SFXN5: variants seen among roughly 807,000 people sequenced by gnomAD.
SFXN5 encodes the protein sideroflexin 5.
Under a neutral mutation model 50.2 loss-of-function variants are expected in SFXN5, and 43 were observed. The ratio of observed to expected loss-of-function variants is 0.86; its 90% CI spans 0.67 to 1.11. SFXN5 has a LOEUF of 1.11. SFXN5 is among the 50% of genes least tolerant of loss of function. The probability of loss-of-function intolerance (pLI) is 0.00; values close to 1 mark genes in which losing one functional copy is unlikely to be tolerated. For missense variants in SFXN5, 463 were observed against 454.1 expected, an observed-to-expected ratio of 1.02 and a Z score of -0.18; for synonymous variants, 203 against 185.8, an observed-to-expected ratio of 1.09 and a Z score of -0.75.
chr2:72,952,410 G>A (rs555298770), intron 13 of SFXN5, among the ~76,000 whole-genome samples: 8 of 152,272 alleles, frequency 5.3e-5, no homozygotes, highest in African/African-American at 1.9e-4. Flanking sequence ...GGTGACTACA[G>A]TAGTCCCCTG....
intron 6 of SFXN5, among the ~76,000 whole-genome samples, chr2:73,004,873 T>C (rs562913774): frequency 6.6e-6 from 1 of 152,324 alleles, no homozygotes; most frequent in South Asian, 2.1e-4. Flanking sequence ...ATAACTTCCT[T>C]TTTTCTTTTT....
intron 10 of SFXN5, among the ~76,000 whole-genome samples, chr2:72,974,897 A>G (rs1670454684): frequency 6.6e-6 from 1 of 151,986 alleles, no homozygotes; most frequent in African/African-American, 2.4e-5. Flanking sequence ...GAACATGCAC[A>G]ACCCTGGGGC....
intron 7 of SFXN5, 131 bp downstream of exon 7, chr2:73,001,394 A>AG (rs1673889152): frequency 4.6e-6 from 4 of 866,570 alleles, no homozygotes; most frequent in Non-Finnish European, 7.6e-6. Context: ...CTTCTGGGCT[A>AG]GGGGTGGTGT....
rs1329764203 is a variant in SFXN5 at position 72,953,633 on chromosome 2, G to A, written c.945+7498C>T. ...AAAGGTCTACTGTCCTAAGGGGGAA[G>A]ATGGAACACAGAAAACACACCACCA... On this transcript the variant is annotated intron_variant, in intron 13 of 13. Coordinates refer to ENST00000272433, the MANE Select transcript of SFXN5 (RefSeq NM_144579.3). This position sits in a 1 kb window ranked among gnomAD's most constrained non-coding sequence, Gnocchi z 4.1. Among the ~76,000 whole-genome samples the A allele has an allele frequency of 6.6e-6, 1 of 151,924 alleles. No homozygotes were observed. Among genetic ancestry groups the A allele is most frequent in the Non-Finnish European group, 1.5e-5 (1 of 67,964 alleles).
At chr2:72,983,783 T>C (rs1671586112) in intron 10 of SFXN5, among the ~76,000 whole-genome samples, 1 of 152,180 alleles carries the variant, frequency 6.6e-6, no homozygotes. Context: ...ACCCAGGACT[T>C]GGCCCTCCTT....
chr2:73,008,644 G>C (rs189564825), intron 6 of SFXN5, among the ~76,000 whole-genome samples: 1 of 152,220 alleles, frequency 6.6e-6, no homozygotes, highest in East Asian at 1.9e-4. Flanking sequence ...GAGAGGCCGT[G>C]TATAAGAAGC....
chr2:73,020,117 T>A (rs1676672432), intron 6 of SFXN5, 122 bp downstream of exon 6: 4 of 860,766 alleles, frequency 4.6e-6, no homozygotes, highest in Non-Finnish European at 7.2e-6. Context: ...TTTGGTAATT[T>A]CCCTCCAGGA....
chr2:73,050,392 G>GCGCA (rs138589339), intron 2 of SFXN5, among the ~76,000 whole-genome samples: 3 of 146,508 alleles, frequency 2.0e-5, no homozygotes, highest in Admixed American at 6.8e-5. Context: ...CACAGCGCAC[G>GCGCA]CACACACACA....
intron 11 of SFXN5, 149 bp from the exon 12 acceptor site, chr2:72,968,682 C>A: frequency 9.4e-6 from 5 of 532,408 alleles, no homozygotes; most frequent in Non-Finnish European, 1.2e-5. Context: ...GCATTCCAAA[C>A]AACAAAAAAA....
intron 1 of SFXN5, among the ~76,000 whole-genome samples, chr2:73,060,210 G>A (rs1420107005): frequency 6.6e-6 from 1 of 152,018 alleles, no homozygotes; most frequent in Non-Finnish European, 1.5e-5. Flanking sequence ...AGATGAAACT[G>A]GTACATTTTG....
At chr2:72,959,938 G>C (rs1310813378) in intron 13 of SFXN5, among the ~76,000 whole-genome samples, 1 of 152,092 alleles carries the variant, frequency 6.6e-6, no homozygotes, top group African/African-American at 2.4e-5. Flanking sequence ...GACAGGGTTT[G>C]GCTACGTTGC....
At chr2:73,046,150 T>C (rs1043601038) in intron 2 of SFXN5, among the ~76,000 whole-genome samples, 1 of 152,198 alleles carries the variant, frequency 6.6e-6, no homozygotes, top group Non-Finnish European at 1.5e-5. Context: ...AGCTCACGCC[T>C]GTAATCCCAG....
In SFXN5 at chr2:72,945,068, G is replaced by T. The variant is rs1021531161; in HGVS notation, c.977C>A (p.Ala326Asp). 1.2e-6 allele frequency: 2 copies of T among 1,614,022 alleles called. No homozygotes were observed. Among genetic ancestry groups the T allele is most frequent in the African/African-American group, 1.3e-5 (1 of 75,054 alleles). ...CACTGTCCGGCTGCTCGTGGCCTGG[G>T]CTATCTCCGGCTCTAATTGGGATGT... ...IETSQLEPEI[A>D]QATSSRTVVY... Residue 326 changes from alanine (A) to aspartate (D), a missense_variant, in exon 14 of 14, where the codon GCC (alanine) becomes GAC (aspartate). Ala to Asp is a moderately radical substitution (Grantham distance 126, BLOSUM62 -2). Transcript: ENST00000272433. This position sits in a 1 kb window ranked among gnomAD's most constrained non-coding sequence, Gnocchi z 5.8.
chr2:72,958,136 C>T (rs1352652532), intron 13 of SFXN5, among the ~76,000 whole-genome samples: 2 of 152,130 alleles, frequency 1.3e-5, no homozygotes, highest in African/African-American at 2.4e-5. Context: ...TGGTAGGCAT[C>T]TCCCCATTAT....
chr2:73,026,487 T>C (rs1437959076), intron 3 of SFXN5, among the ~76,000 whole-genome samples: 3 of 152,006 alleles, frequency 2.0e-5, no homozygotes, highest in Non-Finnish European at 4.4e-5. Context: ...ACAAACCACA[T>C]ATACAATAGT....
At chr2:73,030,661 C>T (rs1222853686) in intron 3 of SFXN5, among the ~76,000 whole-genome samples, 1 of 133,876 alleles carries the variant, frequency 7.5e-6, no homozygotes, top group Non-Finnish European at 1.5e-5. Context: ...CTCCCTTCTC[C>T]AGCTCCTGGA....
intron 13 of SFXN5, among the ~76,000 whole-genome samples, chr2:72,955,649 G>A (rs1372244232): frequency 6.6e-6 from 1 of 152,240 alleles, no homozygotes; most frequent in Non-Finnish European, 1.5e-5. Context: ...GGGAACACCG[G>A]CTGTCAGAGT....
Position 73,051,520 on chromosome 2 carries a change from T to G in SFXN5, c.171+7008A>C, listed in dbSNP as rs1681324964. ...ATCCACCTGCCTCGGCCTCCCAAAGTGCTGGGATTACAGGCGTGAGCCACC... is the reference window on the plus strand; with the variant it reads ...ATCCACCTGCCTCGGCCTCCCAAAGGGCTGGGATTACAGGCGTGAGCCACC... On this transcript the variant is annotated intron_variant, in intron 2 of 13. Transcript: ENST00000272433. Among the ~76,000 whole-genome samples, 3 of 152,184 alleles carry G rather than the reference T, an allele frequency of 2.0e-5. No individual in the cohort carries two copies. The South Asian group carries it at 6.2e-4, about 32-fold the overall frequency.
chr2:73,057,848 C>A (rs1256136471), intron 2 of SFXN5, among the ~76,000 whole-genome samples: 1 of 152,196 alleles, frequency 6.6e-6, no homozygotes, highest in Non-Finnish European at 1.5e-5. Context: ...CTCTCTCCTG[C>A]CACCTTGTGA....
Sources: allele counts gnomAD v4.1 joint callset (sites outside exome capture counted in the v4.1 genomes callset), GRCh38; gene constraint gnomAD v4.1.1; non-coding constraint Gnocchi (gnomAD v3.1); transcripts MANE v1.5; gene names NCBI Gene and HGNC (gene_info 2026-07-23, HGNC 2026-07-21).